ADAM8: variants seen among roughly 807,000 people sequenced by gnomAD.
ADAM8 encodes the protein disintegrin and metalloproteinase domain-containing protein 8.
Under a neutral mutation model 102.4 loss-of-function variants are expected in ADAM8, and 104 were observed. That is an observed-to-expected ratio of 1.02 (90% CI 0.87 to 1.20). The LOEUF is 1.20. Ranked by LOEUF, ADAM8 falls within the 50% of genes most tolerant of loss-of-function variation. The pLI is 0.00. For missense variants in ADAM8, 1,132 were observed against 1,159.0 expected (o/e 0.98, Z 0.34); for synonymous variants, 517 against 485.2 (o/e 1.07, Z -0.86).
rs1171659150 is a variant in ADAM8, at chr10:133,270,438, A to G, written c.1707T>C (p.Asp569=). The change falls in exon 16 of 23, where the codon GAT becomes GAC. Residue 569 remains aspartate, a synonymous_variant. Transcript: ENST00000445355. ...CCTCTGTGGTGAGCGCGTGGCACACATCCACGATGCAGATGGCACGCCCCA... is the reference window on the plus strand; with the variant it reads ...CCTCTGTGGTGAGCGCGTGGCACACGTCCACGATGCAGATGGCACGCCCCA... ...QPLGRAICIV[D]VCHALTTEDG... The G allele has an allele frequency of 1.2e-6, 2 of 1,606,608 alleles. No homozygotes were observed. The highest frequency in any genetic ancestry group is 2.2e-5 in the East Asian group (1 of 44,590).
chr10:133,268,337 C>T (rs776784472), intron 19 of ADAM8, among the ~76,000 whole-genome samples: 4 of 152,226 alleles, frequency 2.6e-5, no homozygotes. Context: ...GCGGGAGATG[C>T]TTGGAGGCTG....
At chr10:133,263,365 GC>G in intron 22 of ADAM8, 132 bp from the exon 23 acceptor site, 1 of 870,086 alleles carries the variant, frequency 1.1e-6, no homozygotes, top group Non-Finnish European at 1.7e-6. Context: ...CAACAACATG[GC>G]CCATGCACAC....
intron 6 of ADAM8, 108 bp from the exon 7 acceptor site, chr10:133,273,127 G>A (rs955242330): frequency 2.2e-5 from 35 of 1,588,216 alleles, no homozygotes; most frequent in African/African-American, 9.4e-5. Flanking sequence ...CTGGGGGAGC[G>A]TGGCCAGGCC....
At chr10:133,273,092 G>A in intron 6 of ADAM8, 73 bp from the exon 7 acceptor site, 2 of 1,606,924 alleles carry the variant, frequency 1.2e-6, no homozygotes, top group South Asian at 2.2e-5. Context: ...GGGACCCGGG[G>A]CCACTGTCCA....
chr10:133,270,511 C>T lies in ADAM8; in HGVS notation c.1635-1G>A. 6.3e-7 allele frequency: 1 copy of T among 1,584,728 alleles called. No individual in the cohort carries two copies. The highest frequency in any genetic ancestry group is 8.6e-7 in the Non-Finnish European group (1 of 1,158,392). On this transcript the variant is annotated splice_acceptor_variant, in intron 15 of 22. Transcript: ENST00000445355. LOFTEE classifies it high-confidence loss of function. ...CTGCAGAACGCCACACATGTCAGCCCTGTGGATGGACGGCAGGTCGTGGGC... is the reference window on the plus strand; with the variant it reads ...CTGCAGAACGCCACACATGTCAGCCTTGTGGATGGACGGCAGGTCGTGGGC...
chr10:133,267,778 C>T, intron 20 of ADAM8, 151 bp downstream of exon 20: 3 of 818,130 alleles, frequency 3.7e-6, no homozygotes, highest in Non-Finnish European at 5.2e-6. Context: ...AGCAGGGCGA[C>T]CACAGCAGCT....
chr10:133,275,799 A>G (rs1846729933), intron 1 of ADAM8: 1 of 511,488 alleles, frequency 2.0e-6, no homozygotes, highest in Non-Finnish European at 3.4e-6. Flanking sequence ...TGTGTCCTGC[A>G]GCACCCACAC....
chr10:133,267,453 T>C (rs1275437528), intron 20 of ADAM8, 36 bp from the exon 21 acceptor site: 1 of 1,578,516 alleles, frequency 6.3e-7, no homozygotes. Context: ...GGGTCAGAGC[T>C]GGGACCCCCG....
At chr10:133,272,620 G>A (rs778776764) in intron 8 of ADAM8, 35 bp from the exon 9 acceptor site, 2 of 1,583,054 alleles carry the variant, frequency 1.3e-6, no homozygotes, top group East Asian at 4.5e-5. Flanking sequence ...GGTCAGGCAG[G>A]GTGGCGGAAG....
At chr10:133,275,912 TC>T (rs997085845) in intron 1 of ADAM8, 5 of 283,004 alleles carry the variant, frequency 1.8e-5, no homozygotes, top group South Asian at 2.4e-4. Context: ...GGATGAACCT[TC>T]CCCCCAGGGA....
intron 17 of ADAM8, 74 bp from the exon 18 acceptor site, chr10:133,269,603 TGAGGGCCCCGGGCCAGCCCCACCCCC>T (rs1254160344): frequency 1.9e-5 from 27 of 1,419,820 alleles, no homozygotes; most frequent in East Asian, 2.4e-5. Flanking sequence ...GCCTCCAGCA[TGAGGGCCCCGGGCCAGCCCCACCCCC>T]GAGGGCCCCT....
rs1846777559 is a variant in ADAM8, at chr10:133,276,862, A to C, written c.-45T>G. ...GGCGGAGGTGACAGCCCCGCGGGAC[A>C]CGGTCTGGTTCCTGCGCTCCTGGCC... On this transcript the variant is annotated 5_prime_UTR_variant, in exon 1 of 23. Coordinates refer to ENST00000445355, the MANE Select transcript of ADAM8 (RefSeq NM_001109.5). The C allele has an allele frequency of 2.0e-6, 3 of 1,503,782 alleles. No homozygotes were observed. Among genetic ancestry groups the C allele is most frequent in the Admixed American group, 4.1e-5 (2 of 48,434 alleles). 93.2% of individuals were successfully genotyped at this position (1,503,782 alleles called of 1,614,324 possible). A position where few individuals can be genotyped will look rare whatever the true frequency, so the allele number is the denominator to read the frequency against.
intron 18 of ADAM8, chr10:133,269,075 A>C (rs527645755): frequency 1.0e-6 from 1 of 985,326 alleles, no homozygotes; most frequent in Non-Finnish European, 1.2e-6. Context: ...TGCTGTGGGC[A>C]CGGCTGTGCC....
At position 133,273,443 on chromosome 10, in the gene ADAM8, CCT is replaced by C. The variant is rs1846626783; in HGVS notation, c.384-2_384-1del. On this transcript the variant is annotated splice_acceptor_variant, in intron 5 of 22. Coordinates refer to ENST00000445355, the MANE Select transcript of ADAM8 (RefSeq NM_001109.5). LOFTEE classifies it high-confidence loss of function. ...GGTCTGACCCCACCTGGAAGAAACC[CCT>C]GAGGGGAGTGGGAGCCGGGTGTGCT... 1 of 1,533,792 alleles carries C rather than the reference CCT, an allele frequency of 6.5e-7. No homozygotes were observed. Among genetic ancestry groups the C allele is most frequent in the South Asian group, 1.2e-5 (1 of 83,574 alleles).
Position 133,276,813 on chromosome 10 carries a change from C to T in ADAM8, c.5G>A (p.Arg2His). The stretch of plus-strand genomic sequence containing the variant: ...GCCCAGCAGCCAGAGCCCGAGGCCG[C>T]GCATGGCCGGGTCGGGGAGCAGAGG... M[R>H]GLGLWLLGAM... is the part of the protein sequence containing the mutation. The change falls in exon 1 of 23, where the codon CGC becomes CAC. Residue 2 changes from arginine to histidine, a missense_variant. Transcript: ENST00000445355. 2 of 1,528,164 alleles carry T rather than the reference C, an allele frequency of 1.3e-6. No individual in the cohort carries two copies. Among genetic ancestry groups the T allele is most frequent in the Non-Finnish European group, 1.8e-6 (2 of 1,140,594 alleles). 94.7% of individuals were successfully genotyped at this position (1,528,164 alleles called of 1,614,324 possible).
rs1846505443 is a variant in ADAM8 at position 133,271,030 on chromosome 10, A to G, written c.1415T>C (p.Met472Thr). 6.2e-7 allele frequency: 1 copy of G among 1,612,594 alleles called. No homozygotes were observed. Reference sequence around the variant, plus strand: ...GTCACAGAACTCCTCGAGGTCACACATGTCCTTCTTGGGACGGCACAGCTC... The same window carrying G: ...GTCACAGAACTCCTCGAGGTCACACGTGTCCTTCTTGGGACGGCACAGCTC... ...AGELCRPKKD[M>T]CDLEEFCDGR... Residue 472 changes from methionine to threonine, a missense_variant, in exon 14 of 23, where the codon ATG becomes ACG. Met to Thr is a moderately conservative substitution (Grantham distance 81). Coordinates refer to ENST00000445355, the MANE Select transcript of ADAM8 (RefSeq NM_001109.5).
Position 133,270,756 on chromosome 10 carries a change from G to GC in ADAM8, c.1613dup (p.Cys539LeufsTer9). On this transcript the variant is annotated frameshift_variant, in exon 15 of 23. Transcript: ENST00000445355. LOFTEE classifies it high-confidence loss of function. The stretch of plus-strand genomic sequence containing the variant: ...CTCACCTGTACCGGCTGGCCTTGCA[G>GC]CCTGGTAGGATGTCATAGGAGAAGC... The GC allele has an allele frequency of 1.2e-6, 2 of 1,606,738 alleles. No homozygotes were observed. The highest frequency in any genetic ancestry group is 2.2e-5 in the South Asian group (2 of 90,780).
In ADAM8 at chr10:133,271,221, ACC is replaced by A; in HGVS notation, c.1351_1352del (p.Gly451TyrfsTer13). 1 of 1,611,890 alleles carries A rather than the reference ACC, an allele frequency of 6.2e-7. No individual in the cohort carries two copies. The highest frequency in any genetic ancestry group is 1.1e-5 in the South Asian group (1 of 90,992). ...QLAEGAQCAHGTCCQECKVKP... is the reference protein window; with the variant it reads ...QLAEGAQCAHXTCCQECKVKP... ...TCACCTTGCACTCCTGGCAGCAGGT[ACC>A]GTGCGCACACTGGGCCCCCTCAGCC... On this transcript the variant is annotated frameshift_variant, in exon 13 of 23. Transcript: ENST00000445355. LOFTEE classifies it high-confidence loss of function.
At position 133,267,513 on chromosome 10, in the gene ADAM8, G is replaced by T. The variant is rs1327502182; in HGVS notation, c.2254-96C>A. On this transcript the variant is annotated intron_variant, in intron 20 of 22. Coordinates refer to ENST00000445355, the MANE Select transcript of ADAM8 (RefSeq NM_001109.5). The stretch of plus-strand genomic sequence containing the variant: ...AGGATCCGAGGTTCCTGCCTCTTGT[G>T]TGTGCTGGAGGCGTCTGCGCGGCCC... 4.0e-6 allele frequency: 5 copies of T among 1,260,776 alleles called. No individual in the cohort carries two copies. In the East Asian group the frequency reaches 9.8e-5, roughly 25 times the overall value. The allele number at this position is 1,260,776 out of a possible 1,614,324, so 78.1% of individuals were successfully genotyped here.
Sources: gnomAD v4.1 joint callset for allele counts (sites outside exome capture counted in the v4.1 genomes callset) on GRCh38, gnomAD v4.1.1 for gene constraint, MANE v1.5 for transcripts, NCBI Gene and HGNC (gene_info 2026-07-23, HGNC 2026-07-21) for gene names.